RAB40B: variants seen among roughly 807,000 people sequenced by gnomAD.
The protein encoded by RAB40B is RAB40B, member RAS oncogene family, also known as ras-related protein Rab-40B.
RAB40B carries 21 observed loss-of-function variants against 24.0 expected under a neutral mutation model. The observed-to-expected ratio is 0.88, with a 90% CI of 0.62 to 1.26. RAB40B has a LOEUF of 1.26. Ranked by LOEUF, RAB40B falls within the 50% of genes most tolerant of loss-of-function variation. The probability of loss-of-function intolerance (pLI) is 0.00; values close to 1 mark genes in which losing one functional copy is unlikely to be tolerated. For missense variants in RAB40B, 348 were observed against 390.5 expected (o/e 0.89, Z 0.92); for synonymous variants, 167 against 169.8 (o/e 0.98, Z 0.13).
chr17:82,658,060 G>A lies in RAB40B; in HGVS notation c.640C>T (p.Leu214Phe), dbSNP rs748111604. ...AGGTGGCTTCTTAAGGCAATGGGGA[G>A]CGGGAGCTTGTCCACCAGGTGCACC... ...TPVHLVDKLP[L>F]PIALRSHLKS... The change falls in exon 6 of 6, where the codon CTC becomes TTC. Residue 214 changes from leucine to phenylalanine, a missense_variant. Leu to Phe is a conservative substitution (Grantham distance 22). Transcript: ENST00000571995. 1 of 1,614,228 alleles carries A rather than the reference G, an allele frequency of 6.2e-7. No homozygotes were observed. Among genetic ancestry groups the A allele is most frequent in the Non-Finnish European group, 8.5e-7 (1 of 1,180,050 alleles).
intron 2 of RAB40B, chr17:82,662,308 G>A (rs1012729233): frequency 1.3e-5 from 13 of 985,370 alleles, no homozygotes; most frequent in South Asian, 9.4e-5. Context: ...TGCACACAGC[G>A]GGAGCTGCCC....
intron 1 of RAB40B, among the ~76,000 whole-genome samples, chr17:82,668,882 C>T (rs2046296592): frequency 6.6e-6 from 1 of 152,230 alleles, no homozygotes; most frequent in African/African-American, 2.4e-5. Flanking sequence ...TTGGCAGCAG[C>T]CACTCTAGAT....
chr17:82,671,637 TAACA>T (rs1250431424), intron 1 of RAB40B, among the ~76,000 whole-genome samples: 2 of 72,352 alleles, frequency 2.8e-5, no homozygotes, highest in African/African-American at 9.7e-5. Context: ...CCCGTAACTC[TAACA>T]CACACACTCA....
rs887982576 is a variant in RAB40B, at chr17:82,662,768, G to A, written c.204-1721C>T. On this transcript the variant is annotated intron_variant, in intron 2 of 5. Coordinates refer to ENST00000571995, the MANE Select transcript of RAB40B (RefSeq NM_006822.3). ...CCTGAGGTGAGAGGGAGAAAAGTGT[G>A]AGGGTGACTGTTCGGCCCACTGGGC... is the stretch of plus-strand genomic sequence containing the variant. The A allele has an allele frequency of 6.1e-6, 6 of 985,282 alleles. No homozygotes were observed. The South Asian group carries it at 2.3e-4, about 39-fold the overall frequency. The allele number at this position is 985,282 out of a possible 1,614,324, so 61.0% of individuals were successfully genotyped here.
chr17:82,682,007 A>T (rs149872925), intron 1 of RAB40B, among the ~76,000 whole-genome samples: 185 of 152,260 alleles, frequency 1.2e-3, no homozygotes, highest in Admixed American at 3.6e-3. Context: ...CTCCAATTCA[A>T]TATCATTTTG....
intron 1 of RAB40B, among the ~76,000 whole-genome samples, chr17:82,677,066 A>C (rs1598308062): frequency 6.6e-6 from 1 of 151,934 alleles, no homozygotes; most frequent in Non-Finnish European, 1.5e-5. Context: ...CTCCTGCCTC[A>C]GCCTCCCGAG....
chr17:82,669,325 A>T (rs1167384798), intron 1 of RAB40B, among the ~76,000 whole-genome samples: 1 of 152,018 alleles, frequency 6.6e-6, no homozygotes, highest in Admixed American at 6.5e-5. Flanking sequence ...AAAATACGAA[A>T]TTAGCCGGGC....
In RAB40B at chr17:82,659,676, G is replaced by T. The variant is rs2279395; in HGVS notation, c.265-19C>A. The T allele has an allele frequency of 6.2e-7, 1 of 1,610,128 alleles. No individual in the cohort carries two copies. The highest frequency in any genetic ancestry group is 1.3e-5 in the African/African-American group (1 of 74,826). ...TCACACCCTGGGGGAGAGGTCACAG[G>T]CTCAGCACGCAGAACACAGATGCAG... On this transcript the variant is annotated intron_variant, in intron 3 of 5. Transcript: ENST00000571995.
chr17:82,695,190 TTTCTTTC>T (rs997786621), intron 1 of RAB40B, among the ~76,000 whole-genome samples: 2 of 148,828 alleles, frequency 1.3e-5, no homozygotes, highest in African/African-American at 5.2e-5. Context: ...TCTTTCTTTC[TTTCTTTC>T]TTTTTTTTTT....
chr17:82,692,704 AT>A lies in RAB40B; in HGVS notation c.142+5750del, dbSNP rs1014850385. On this transcript the variant is annotated intron_variant, in intron 1 of 5. Transcript: ENST00000571995. This position sits in a 1 kb window ranked among gnomAD's most constrained non-coding sequence, Gnocchi z 4.0. ...AGGTAAAACGATGCTTGTAGAGAAC[AT>A]TTTTTTTTTAAATCTGGGAGCAGCA... is the stretch of plus-strand genomic sequence containing the variant. 2.7e-5 allele frequency among the ~76,000 whole-genome samples: 4 copies of A among 150,620 alleles called. No individual in the cohort carries two copies. Among genetic ancestry groups the A allele is most frequent in the Admixed American group, 1.3e-4 (2 of 15,088 alleles).
Position 82,659,411 on chromosome 17 carries a change from C to T in RAB40B, c.342+169G>A, listed in dbSNP as rs996132412. On this transcript the variant is annotated intron_variant, in intron 4 of 5. Coordinates refer to ENST00000571995, the MANE Select transcript of RAB40B (RefSeq NM_006822.3). Reference sequence around the variant, plus strand: ...ATTGTAGCTATCACCAAAGCCCTATCCAGTGTTGTGCCGAGGTGAGGCACC... The same window carrying T: ...ATTGTAGCTATCACCAAAGCCCTATTCAGTGTTGTGCCGAGGTGAGGCACC... The T allele has an allele frequency of 3.4e-5, 21 of 625,202 alleles. No homozygotes were observed. The African/African-American group carries it at 3.7e-4, about 11-fold the overall frequency. 38.7% of individuals were successfully genotyped at this position (625,202 alleles called of 1,614,324 possible). A position where few individuals can be genotyped will look rare whatever the true frequency, so the allele number is the denominator to read the frequency against.
chr17:82,689,193 C>A (rs1176878456), intron 1 of RAB40B, among the ~76,000 whole-genome samples: 1 of 152,270 alleles, frequency 6.6e-6, no homozygotes, highest in South Asian at 2.1e-4. Flanking sequence ...ATGCACCCAG[C>A]GCGGAGCAGC....
intron 2 of RAB40B, chr17:82,662,782 G>T (rs758986893): frequency 1.0e-6 from 1 of 985,402 alleles, no homozygotes; most frequent in Non-Finnish European, 1.2e-6. Context: ...GTGACTGTTC[G>T]GCCCACTGGG....
intron 1 of RAB40B, among the ~76,000 whole-genome samples, chr17:82,686,974 G>T (rs900945296): frequency 1.7e-4 from 26 of 151,726 alleles, no homozygotes; most frequent in African/African-American, 6.3e-4. Context: ...AGTGCTGGGG[G>T]GAAGGAGGCT....
rs897805909 is a variant in RAB40B, at chr17:82,697,435, C to T, written c.142+1020G>A. On this transcript the variant is annotated intron_variant, in intron 1 of 5. Coordinates refer to ENST00000571995, the MANE Select transcript of RAB40B (RefSeq NM_006822.3). The surrounding 1 kb of genome is among the most constrained non-coding windows in gnomAD (Gnocchi z 4.9). ...TTCCCAGGCCCCAGAGCTGACAGGT[C>T]CTTCCCACCAAGACTCCATCTCCAC... Among the ~76,000 whole-genome samples the T allele has an allele frequency of 1.3e-5, 2 of 152,198 alleles. No individual in the cohort carries two copies. Among genetic ancestry groups the T allele is most frequent in the African/African-American group, 4.8e-5 (2 of 41,464 alleles).
chr17:82,685,221 AG>A (rs2046486051), intron 1 of RAB40B, among the ~76,000 whole-genome samples: 1 of 52,086 alleles, frequency 1.9e-5, no homozygotes, highest in Non-Finnish European at 3.7e-5. Flanking sequence ...AGGAATGGGG[AG>A]GGGGAGGGAG....
intron 2 of RAB40B, chr17:82,661,756 G>C (rs1371138398): frequency 4.3e-6 from 1 of 231,010 alleles, no homozygotes; most frequent in African/African-American, 2.3e-5. Context: ...ACATGGTGGT[G>C]TGCTCCTGTA....
At chr17:82,672,099 C>A (rs796892777) in intron 1 of RAB40B, among the ~76,000 whole-genome samples, 1 of 129,532 alleles carries the variant, frequency 7.7e-6, no homozygotes, top group African/African-American at 2.8e-5. Context: ...TGACACACCC[C>A]ACCCCTGTAA....
Position 82,675,472 on chromosome 17 carries a change from C to G in RAB40B, c.143-10916G>C, listed in dbSNP as rs575149872. ...TCCCGTGGATGGCACTCCCTTTACC[C>G]CATACTTCAGAACTGGGGGTGGGGC... On this transcript the variant is annotated intron_variant, in intron 1 of 5. Transcript: ENST00000571995. This position sits in a 1 kb window ranked among gnomAD's most constrained non-coding sequence, Gnocchi z 4.5. 6.6e-6 allele frequency among the ~76,000 whole-genome samples: 1 copy of G among 152,336 alleles called. No homozygotes were observed. Among genetic ancestry groups the G allele is most frequent in the East Asian group, 1.9e-4 (1 of 5,186 alleles).
Sources: allele counts gnomAD v4.1 joint callset (sites outside exome capture counted in the v4.1 genomes callset), GRCh38; gene constraint gnomAD v4.1.1; non-coding constraint Gnocchi (gnomAD v3.1); transcripts MANE v1.5; gene names NCBI Gene and HGNC (gene_info 2026-07-23, HGNC 2026-07-21).